The following C14orf132 variants were observed in gnomAD, a reference collection of about 807,000 sequenced individuals.
The protein encoded by C14orf132 is uncharacterized protein C14orf132.
In C14orf132, 6 loss-of-function variants were observed where a neutral mutation model predicts 5.8. That is an observed-to-expected ratio of 1.03 (90% CI 0.57 to 2.04). The LOEUF (loss-of-function observed/expected upper bound fraction) is 2.04. Among genes scored for constraint, C14orf132 ranks in the 30% most tolerant of loss-of-function variants. The probability of loss-of-function intolerance (pLI) is 0.00; values close to 1 mark genes in which losing one functional copy is unlikely to be tolerated. For synonymous variants in C14orf132, 51 were observed against 49.8 expected (o/e 1.02, Z -0.10); for missense variants, 125 against 115.8 (o/e 1.08, Z -0.37).
chr14:96,069,230 T>C (rs1162546909), intron 1 of C14orf132, among the ~76,000 whole-genome samples: 2 of 142,516 alleles, frequency 1.4e-5, no homozygotes, highest in African/African-American at 5.2e-5. Flanking sequence ...TGTTCACATA[T>C]ATATGTTATT....
intron 1 of C14orf132, among the ~76,000 whole-genome samples, chr14:96,060,269 G>A (rs191985932): frequency 6.6e-6 from 1 of 152,290 alleles, no homozygotes; most frequent in African/African-American, 2.4e-5. Flanking sequence ...CACAGAAAAT[G>A]AAGGAGGTGG....
intron 1 of C14orf132, among the ~76,000 whole-genome samples, chr14:96,051,430 C>T (rs1315907864): frequency 6.6e-6 from 1 of 152,224 alleles, no homozygotes; most frequent in African/African-American, 2.4e-5. Flanking sequence ...GTTGCTCCAG[C>T]CTGAGGCCCA....
intron 1 of C14orf132, among the ~76,000 whole-genome samples, chr14:96,069,652 G>T (rs1887646751): frequency 7.0e-6 from 1 of 143,370 alleles, no homozygotes; most frequent in African/African-American, 3.0e-5. Flanking sequence ...GGCTTCAAAG[G>T]CCCAGGACTC....
intron 1 of C14orf132, among the ~76,000 whole-genome samples, chr14:96,064,363 T>TAC (rs148402921): frequency 0.51 from 68,919 of 135,650 alleles, 18,025 homozygotes; most frequent in East Asian, 0.75. Flanking sequence ...GGTGCATATA[T>TAC]ACACACACAC....
intron 1 of C14orf132, among the ~76,000 whole-genome samples, chr14:96,080,804 A>C (rs1888008396): frequency 2.0e-5 from 3 of 152,034 alleles, no homozygotes; most frequent in South Asian, 4.2e-4. Flanking sequence ...CCCATGCTAC[A>C]TGGTGCCCCG....
rs201801341 is a variant in C14orf132, at chr14:96,079,737, T to C, written c.28-6774T>C. 5.9e-5 allele frequency among the ~76,000 whole-genome samples: 9 copies of C among 151,742 alleles called. No individual in the cohort carries two copies. In the East Asian group the frequency reaches 1.7e-3, roughly 29 times the overall value. The stretch of plus-strand genomic sequence containing the variant: ...TAGAATGTTTGTACACTAAGTGGAG[T>C]CTTCTCTGGAATTTTCTGATGTGCT... On this transcript the variant is annotated intron_variant, in intron 1 of 1. Coordinates refer to ENST00000555004, the MANE Select transcript of C14orf132 (RefSeq NM_001252507.3).
At chr14:96,084,316 G>A (rs1318142007) in intron 1 of C14orf132, among the ~76,000 whole-genome samples, 4 of 146,566 alleles carry the variant, frequency 2.7e-5, no homozygotes, top group Admixed American at 6.8e-5. Flanking sequence ...ATCCCCTGCA[G>A]CCCCCGTCAT....
intron 1 of C14orf132, among the ~76,000 whole-genome samples, chr14:96,070,431 T>C (rs1887669323): frequency 6.6e-6 from 1 of 152,062 alleles, no homozygotes; most frequent in South Asian, 2.1e-4. Flanking sequence ...TAAAGTTCTC[T>C]CCTTGAGGAA....
At position 96,072,481 on chromosome 14, in the gene C14orf132, C is replaced by T. The variant is rs148887424; in HGVS notation, c.28-14030C>T. On this transcript the variant is annotated intron_variant, in intron 1 of 1. Coordinates refer to ENST00000555004, the MANE Select transcript of C14orf132 (RefSeq NM_001252507.3). Reference sequence around the variant, plus strand: ...CAGAGCAAATGCTGCAGTCTCCTTCCCAGGTGTGCTTTTGATTTACTTGCT... The same window carrying T: ...CAGAGCAAATGCTGCAGTCTCCTTCTCAGGTGTGCTTTTGATTTACTTGCT... Among the ~76,000 whole-genome samples, 20 of 152,276 alleles carry T rather than the reference C, an allele frequency of 1.3e-4. No individual in the cohort carries two copies. In the East Asian group the frequency reaches 3.1e-3, roughly 23 times the overall value.
intron 1 of C14orf132, among the ~76,000 whole-genome samples, chr14:96,053,928 C>G (rs1887105761): frequency 6.6e-6 from 1 of 152,214 alleles, no homozygotes; most frequent in Non-Finnish European, 1.5e-5. Flanking sequence ...ACCCATCTGT[C>G]TGCCTCTCCT....
chr14:96,062,408 A>T (rs2139659996), intron 1 of C14orf132, among the ~76,000 whole-genome samples: 1 of 152,262 alleles, frequency 6.6e-6, no homozygotes, highest in African/African-American at 2.4e-5. Flanking sequence ...CCCATTAATC[A>T]AGAAAGAAAA....
chr14:96,075,546 A>G (rs963497901), intron 1 of C14orf132, among the ~76,000 whole-genome samples: 1 of 152,140 alleles, frequency 6.6e-6, no homozygotes, highest in Non-Finnish European at 1.5e-5. Flanking sequence ...AATGTTAGCT[A>G]TAGGTTGTTT....
intron 1 of C14orf132, among the ~76,000 whole-genome samples, chr14:96,078,685 C>T (rs1887946075): frequency 6.6e-6 from 1 of 152,220 alleles, no homozygotes; most frequent in African/African-American, 2.4e-5. Flanking sequence ...GTCCAGCAGG[C>T]AGACTGGGCT....
chr14:96,050,094 A>T (rs946797050), intron 1 of C14orf132, among the ~76,000 whole-genome samples: 3 of 152,196 alleles, frequency 2.0e-5, no homozygotes, highest in African/African-American at 7.2e-5. Context: ...GTTTTGATTG[A>T]TTGCCTTTTC....
intron 1 of C14orf132, among the ~76,000 whole-genome samples, chr14:96,060,234 C>T (rs1464844778): frequency 6.6e-6 from 1 of 152,142 alleles, no homozygotes; most frequent in Non-Finnish European, 1.5e-5. Context: ...GCACAGGACA[C>T]AGGGCTGGTA....
chr14:96,088,704 T>C lies in C14orf132; in HGVS notation c.*1969T>C, dbSNP rs1186186230. The C allele has an allele frequency of 6.6e-6, 1 of 152,172 alleles. No individual in the cohort carries two copies. Among genetic ancestry groups the C allele is most frequent in the Admixed American group, 6.5e-5 (1 of 15,282 alleles). The allele number at this position is 152,172 out of a possible 1,614,324, so 9.4% of individuals were successfully genotyped here. The stretch of plus-strand genomic sequence containing the variant: ...CTCAAATCTTCCCTCTGGCCCCACA[T>C]CCCTAGGAGGGCCTGACCCCTGTAA... On this transcript the variant is annotated 3_prime_UTR_variant, in exon 2 of 2. Coordinates refer to ENST00000555004, the MANE Select transcript of C14orf132 (RefSeq NM_001252507.3).
intron 1 of C14orf132, among the ~76,000 whole-genome samples, chr14:96,043,715 C>T (rs1221654829): frequency 6.6e-6 from 1 of 152,176 alleles, no homozygotes; most frequent in East Asian, 1.9e-4. Context: ...TACATCCACC[C>T]TCCCACTTCT....
At chr14:96,075,223 G>GA (rs761717812) in intron 1 of C14orf132, among the ~76,000 whole-genome samples, 4 of 152,056 alleles carry the variant, frequency 2.6e-5, no homozygotes, top group Non-Finnish European at 4.4e-5. Context: ...CTTGAGTGTG[G>GA]AAACACAATT....
chr14:96,053,437 C>T (rs1399312209), intron 1 of C14orf132, among the ~76,000 whole-genome samples: 1 of 152,226 alleles, frequency 6.6e-6, no homozygotes, highest in Non-Finnish European at 1.5e-5. Flanking sequence ...TCCCGGCAGC[C>T]ATGCAGAGAG....
Sources: gnomAD v4.1 joint callset for allele counts (sites outside exome capture counted in the v4.1 genomes callset) on GRCh38, gnomAD v4.1.1 for gene constraint, MANE v1.5 for transcripts, NCBI Gene and HGNC (gene_info 2026-07-23, HGNC 2026-07-21) for gene names.